STRBP: variants seen among roughly 807,000 people sequenced by gnomAD.
The protein encoded by STRBP is spermatid perinuclear RNA-binding protein.
STRBP carries 13 observed loss-of-function variants against 80.1 expected under a neutral mutation model. The observed-to-expected ratio is 0.16, with a 90% CI of 0.11 to 0.26. STRBP has a LOEUF of 0.26. STRBP is among the 10% of genes least tolerant of loss of function. The pLI, the probability that STRBP is intolerant of heterozygous loss-of-function variation, is 1.00. For missense variants in STRBP, 485 were observed against 815.2 expected, an observed-to-expected ratio of 0.59 and a Z score of 4.93; for synonymous variants, 284 against 291.2, an observed-to-expected ratio of 0.98 and a Z score of 0.25.
intron 2 of STRBP, among the ~76,000 whole-genome samples, chr9:123,233,312 C>T (rs926246159): frequency 8.5e-5 from 13 of 152,118 alleles, no homozygotes; most frequent in African/African-American, 3.1e-4. Context: ...TGGCCTCAAA[C>T]AATCCTCCCG....
At chr9:123,132,629 A>C (rs1182869959) in intron 17 of STRBP, among the ~76,000 whole-genome samples, 4 of 152,210 alleles carry the variant, frequency 2.6e-5, no homozygotes, top group African/African-American at 4.8e-5. Flanking sequence ...CAATTTGCTC[A>C]TCTGTCATCT....
chr9:123,267,541 A>C (rs2041296877), intron 1 of STRBP, among the ~76,000 whole-genome samples: 1 of 145,800 alleles, frequency 6.9e-6, no homozygotes, highest in African/African-American at 2.6e-5. Flanking sequence ...CTGGCCACAC[A>C]CTCCCTCACA....
intron 1 of STRBP, among the ~76,000 whole-genome samples, chr9:123,245,459 G>A (rs1269808330): frequency 6.6e-6 from 1 of 152,070 alleles, no homozygotes; most frequent in African/African-American, 2.4e-5. Context: ...GCACGATCTC[G>A]GCTCACTGCA....
At chr9:123,226,691 C>T (rs140691868) in intron 2 of STRBP, among the ~76,000 whole-genome samples, 1 of 150,630 alleles carries the variant, frequency 6.6e-6, no homozygotes, top group Non-Finnish European at 1.5e-5. Context: ...CACTGTGACA[C>T]TTTAGGTTAC....
intron 6 of STRBP, among the ~76,000 whole-genome samples, chr9:123,162,658 C>T (rs2037571839): frequency 1.3e-5 from 2 of 152,076 alleles, no homozygotes; most frequent in African/African-American, 2.4e-5. Flanking sequence ...ATTTTCTGAC[C>T]AGGTGAGCTC....
At chr9:123,186,203 G>T (rs1373440191) in intron 2 of STRBP, among the ~76,000 whole-genome samples, 1 of 151,364 alleles carries the variant, frequency 6.6e-6, no homozygotes, top group African/African-American at 2.4e-5. Context: ...AACAAATTAG[G>T]TGGGCATAGT....
intron 1 of STRBP, among the ~76,000 whole-genome samples, chr9:123,259,075 A>AGGC: frequency 7.0e-6 from 1 of 141,848 alleles, no homozygotes; most frequent in East Asian, 2.5e-4. Context: ...AAAAAAAAAA[A>AGGC]GGGGGGGGGA....
At chr9:123,261,372 T>C (rs1266769636) in intron 1 of STRBP, among the ~76,000 whole-genome samples, 2 of 152,176 alleles carry the variant, frequency 1.3e-5, no homozygotes, top group Non-Finnish European at 1.5e-5. Flanking sequence ...ATATACAACT[T>C]CTCAGTGATC....
At chr9:123,211,737 T>C (rs1588109224) in intron 2 of STRBP, among the ~76,000 whole-genome samples, 1 of 152,334 alleles carries the variant, frequency 6.6e-6, no homozygotes, top group South Asian at 2.1e-4. Flanking sequence ...TTTCCTAATA[T>C]GGATAACTTT....
intron 17 of STRBP, among the ~76,000 whole-genome samples, 198 bp downstream of exon 17, chr9:123,132,647 G>C (rs1483282032): frequency 6.6e-6 from 1 of 152,226 alleles, no homozygotes; most frequent in Admixed American, 6.5e-5. Context: ...TCTCCCTCCA[G>C]GTAGCCTCTC....
chr9:123,213,367 G>A (rs7854916), intron 2 of STRBP, among the ~76,000 whole-genome samples: 1 of 152,144 alleles, frequency 6.6e-6, no homozygotes, highest in Non-Finnish European at 1.5e-5. Flanking sequence ...CACCAGGTTC[G>A]TTTTTCGAAA....
intron 2 of STRBP, among the ~76,000 whole-genome samples, chr9:123,184,835 C>G (rs1170945402): frequency 6.6e-6 from 1 of 152,108 alleles, no homozygotes; most frequent in Non-Finnish European, 1.5e-5. Flanking sequence ...TACTTCCTAA[C>G]TCCCAAAAGG....
In STRBP at chr9:123,124,172, A is replaced by G. The variant is rs148903724; in HGVS notation, c.*1425T>C. 1.0e-6 allele frequency: 1 copy of G among 985,470 alleles called. No individual in the cohort carries two copies. Among genetic ancestry groups the G allele is most frequent in the Admixed American group, 6.1e-5 (1 of 16,288 alleles). 61.0% of individuals were successfully genotyped at this position (985,470 alleles called of 1,614,324 possible). On this transcript the variant is annotated 3_prime_UTR_variant, in exon 19 of 19. Coordinates refer to ENST00000348403, the MANE Select transcript of STRBP (RefSeq NM_018387.5). ...GCCATATTTTGTGAAGCCCATTCTC[A>G]TGGATGGGCCCTGTCAAGTTCCCAA...
chr9:123,262,296 TAGAGAC>T (rs1029962660), intron 1 of STRBP, among the ~76,000 whole-genome samples: 112 of 152,178 alleles, frequency 7.4e-4, no homozygotes, highest in African/African-American at 2.5e-3. Context: ...AAGAAAAAAA[TAGAGAC>T]AGAGCCCTTT....
chr9:123,225,587 A>G (rs1192628137), intron 2 of STRBP, among the ~76,000 whole-genome samples: 2 of 152,224 alleles, frequency 1.3e-5, no homozygotes, highest in Non-Finnish European at 2.9e-5. Context: ...CAGAAAATCT[A>G]TTCTGGCAAG....
downstream of STRBP, among the ~76,000 whole-genome samples, chr9:123,119,084 TC>T (rs746789474): frequency 3.0e-4 from 46 of 152,218 alleles, no homozygotes; most frequent in Admixed American, 1.2e-3. Context: ...TGCAGATTTT[TC>T]CCCCCAAAAG....
At chr9:123,238,747 A>G (rs1261678515) in intron 1 of STRBP, among the ~76,000 whole-genome samples, 1 of 152,250 alleles carries the variant, frequency 6.6e-6, no homozygotes, top group Non-Finnish European at 1.5e-5. Context: ...TCTTTCTAAC[A>G]ATAAATCTCA....
At chr9:123,128,397 G>A in intron 17 of STRBP, 139 bp from the exon 18 acceptor site, 1 of 925,650 alleles carries the variant, frequency 1.1e-6, no homozygotes, top group Non-Finnish European at 1.7e-6. Flanking sequence ...ACCACTGCCA[G>A]AATGGTCCCA....
intron 11 of STRBP, among the ~76,000 whole-genome samples, chr9:123,153,855 T>C (rs779563586): frequency 6.6e-6 from 1 of 152,112 alleles, no homozygotes; most frequent in Non-Finnish European, 1.5e-5. Context: ...AGCATCAGTG[T>C]AAAGAGAAAG....
Sources: gnomAD v4.1 joint callset for allele counts (sites outside exome capture counted in the v4.1 genomes callset) on GRCh38, gnomAD v4.1.1 for gene constraint, MANE v1.5 for transcripts, NCBI Gene and HGNC (gene_info 2026-07-23, HGNC 2026-07-21) for gene names.